CCAR2: variants seen among roughly 807,000 people sequenced by gnomAD.
CCAR2 encodes the protein cell cycle and apoptosis regulator protein 2.
A neutral mutation model predicts 108.1 loss-of-function variants in CCAR2; 21 were observed. That is an observed-to-expected ratio of 0.19 (90% CI 0.14 to 0.28). The LOEUF (loss-of-function observed/expected upper bound fraction) is 0.28. Among genes scored for constraint, CCAR2 ranks in the 10% least tolerant of loss-of-function variants. The probability of loss-of-function intolerance (pLI) is 1.00; values close to 1 mark genes in which losing one functional copy is unlikely to be tolerated. For missense variants in CCAR2, 1,126 were observed against 1,177.0 expected (o/e 0.96, Z 0.63); for synonymous variants, 577 against 472.8 (o/e 1.22, Z -2.86).
chr8:22,609,536 T>C (rs1164886240), intron 7 of CCAR2, among the ~76,000 whole-genome samples: 1 of 152,202 alleles, frequency 6.6e-6, no homozygotes, highest in Non-Finnish European at 1.5e-5. Flanking sequence ...CCATTCTCCA[T>C]TGTAGACACC....
At chr8:22,611,445 TAC>T (rs201761773) in intron 7 of CCAR2, among the ~76,000 whole-genome samples, 66 of 146,582 alleles carry the variant, frequency 4.5e-4, no homozygotes, top group African/African-American at 1.4e-3. Flanking sequence ...TGTGTGTGTA[TAC>T]ATATGTGTGT....
intron 11 of CCAR2, 164 bp downstream of exon 11, chr8:22,615,165 C>G (rs939679084): frequency 9.8e-7 from 1 of 1,021,104 alleles, no homozygotes; most frequent in East Asian, 2.6e-5. Flanking sequence ...ATGCCAAAAT[C>G]TGGCTGAGCC....
rs1363104047 is a variant in CCAR2, at chr8:22,606,646, A to G, written c.190A>G (p.Ser64Gly). ...GCGGGTCTTCACTGGTATTGTTACCAGCTTGCATGACTACTTTGGGGTTGT... is the reference window on the plus strand; with the variant it reads ...GCGGGTCTTCACTGGTATTGTTACCGGCTTGCATGACTACTTTGGGGTTGT... ...KQRVFTGIVTSLHDYFGVVDE... is the reference protein window; with the variant it reads ...KQRVFTGIVTGLHDYFGVVDE... The change falls in exon 4 of 21, where the codon AGC (serine) becomes GGC (glycine). Residue 64 changes from serine (S) to glycine (G), a missense_variant. Coordinates refer to ENST00000308511, the MANE Select transcript of CCAR2 (RefSeq NM_001393997.1). 6.2e-7 allele frequency: 1 copy of G among 1,614,204 alleles called. No individual in the cohort carries two copies. Among genetic ancestry groups the G allele is most frequent in the East Asian group, 2.2e-5 (1 of 44,894 alleles).
Position 22,614,523 on chromosome 8 carries a change from A to G in CCAR2, c.1041+20A>G, listed in dbSNP as rs1477062137. 3.8e-6 allele frequency: 6 copies of G among 1,595,922 alleles called. No homozygotes were observed. Among genetic ancestry groups the G allele is most frequent in the Non-Finnish European group, 5.2e-6 (6 of 1,164,224 alleles). Reference sequence around the variant, plus strand: ...ATTAAGGTAAGAGCTGGAGAGCAGGAGGAGATGCATTCACGGGTAATGTGC... The same window carrying G: ...ATTAAGGTAAGAGCTGGAGAGCAGGGGGAGATGCATTCACGGGTAATGTGC... On this transcript the variant is annotated intron_variant, in intron 10 of 20. Coordinates refer to ENST00000308511, the MANE Select transcript of CCAR2 (RefSeq NM_001393997.1).
Position 22,620,411 on chromosome 8 carries a change from G to GTT in CCAR2, c.*730_*731dup. 1 of 139,986 alleles carries GTT rather than the reference G, an allele frequency of 7.1e-6. No homozygotes were observed. Among genetic ancestry groups the GTT allele is most frequent in the South Asian group, 2.3e-4 (1 of 4,364 alleles). 8.7% of individuals were successfully genotyped at this position (139,986 alleles called of 1,614,324 possible). A position where few individuals can be genotyped will look rare whatever the true frequency, so the allele number is the denominator to read the frequency against. ...GTTTCAGTTTGACTTTGTATATAAA[G>GTT]TTGGGGTTTTTTTTTTTTTTTTTTG... On this transcript the variant is annotated 3_prime_UTR_variant, in exon 21 of 21. Transcript: ENST00000308511.
intron 16 of CCAR2, chr8:22,618,054 G>A: frequency 3.4e-6 from 2 of 590,764 alleles, no homozygotes; most frequent in Middle Eastern, 4.5e-4. Flanking sequence ...GGCTGGCTTG[G>A]GCGTGATGAA....
rs958461732 is a variant in CCAR2 at position 22,619,917 on chromosome 8, C to A, written c.*235C>A. The stretch of plus-strand genomic sequence containing the variant: ...ACAACTAAATACAACATCTTTTGCA[C>A]CCCTAGAATGTCATTTTGCCCTCAA... On this transcript the variant is annotated 3_prime_UTR_variant, in exon 21 of 21. Coordinates refer to ENST00000308511, the MANE Select transcript of CCAR2 (RefSeq NM_001393997.1). 6 of 566,128 alleles carry A rather than the reference C, an allele frequency of 1.1e-5. No individual in the cohort carries two copies. In the African/African-American group the frequency reaches 1.1e-4, roughly 11 times the overall value. 35.1% of individuals were successfully genotyped at this position (566,128 alleles called of 1,614,324 possible).
intron 7 of CCAR2, among the ~76,000 whole-genome samples, chr8:22,611,945 CTT>C (rs569460220): frequency 3.5e-4 from 31 of 88,266 alleles, no homozygotes; most frequent in Admixed American, 4.8e-4. Context: ...AACTGTCTCT[CTT>C]TTTTTTTTTT....
chr8:22,616,880 TTTTTTTTTTTTTTTTTGG>T (rs1563924007), intron 14 of CCAR2, among the ~76,000 whole-genome samples: 2 of 60,880 alleles, frequency 3.3e-5, no homozygotes, highest in African/African-American at 1.0e-4. Context: ...TTTTTTTTTT[TTTTTTTTTTTTTTTTTGG>T]GGAGATGGAG....
intron 8 of CCAR2, among the ~76,000 whole-genome samples, chr8:22,613,355 CTTTTTTTTTT>C (rs5890057): frequency 0.35 from 43,889 of 125,986 alleles, 6,793 homozygotes; most frequent in South Asian, 0.42. Flanking sequence ...AGATCTAGTT[CTTTTTTTTTT>C]TTTTTTTTTT....
At chr8:22,605,676 T>G in intron 1 of CCAR2, 60 bp from the exon 2 acceptor site, 2 of 1,005,420 alleles carry the variant, frequency 2.0e-6, no homozygotes, top group Non-Finnish European at 3.1e-6. Context: ...TCTCCACTTT[T>G]CCGGGTATAG....
rs78169940 is a variant in CCAR2 at position 22,614,263 on chromosome 8, C to T, written c.876C>T (p.Asp292=). 2.3e-4 allele frequency: 368 copies of T among 1,614,082 alleles called. No homozygotes were observed. In the African/African-American group the frequency reaches 3.9e-3, roughly 17 times the overall value. ...CTTCTGAAAAGGAGGCAGCTCCAGA[C>T]GCTGGTGCTGAGCCCATCACTGCAG... The part of the protein sequence containing the change: ...QVSSEKEAAP[D]AGAEPITADS... The change falls in exon 9 of 21, where the codon GAC becomes GAT. Residue 292 remains aspartate, a synonymous_variant. Transcript: ENST00000308511.
chr8:22,615,143 A>G lies in CCAR2; in HGVS notation c.1205+142A>G, dbSNP rs1801449592. On this transcript the variant is annotated intron_variant, in intron 11 of 20. Transcript: ENST00000308511. Reference sequence around the variant, plus strand: ...CCTTCCCCCTCTGGTGCCTCAGGGTAGGGTGGGGTGTATGCCAAAATCTGG... The same window carrying G: ...CCTTCCCCCTCTGGTGCCTCAGGGTGGGGTGGGGTGTATGCCAAAATCTGG... 1.8e-5 allele frequency: 22 copies of G among 1,207,422 alleles called. No homozygotes were observed. The South Asian group carries it at 3.2e-4, about 18-fold the overall frequency. 74.8% of individuals were successfully genotyped at this position (1,207,422 alleles called of 1,614,324 possible).
chr8:22,611,022 T>C (rs1801252665), intron 7 of CCAR2, among the ~76,000 whole-genome samples: 1 of 151,982 alleles, frequency 6.6e-6, no homozygotes, highest in Non-Finnish European at 1.5e-5. Flanking sequence ...CAGTACATGC[T>C]ATTATATAAA....
chr8:22,615,345 A>T, intron 11 of CCAR2, 80 bp from the exon 12 acceptor site: 1 of 1,517,276 alleles, frequency 6.6e-7, no homozygotes. Context: ...CTGACTGGAA[A>T]CTGAAGCCCT....
intron 6 of CCAR2, 53 bp downstream of exon 6, chr8:22,607,378 C>G: frequency 1.9e-6 from 3 of 1,584,564 alleles, no homozygotes; most frequent in Non-Finnish European, 1.7e-6. Flanking sequence ...TAGTTTAGAT[C>G]AATGGACTTT....
In CCAR2 at chr8:22,608,206, T is replaced by G. The variant is rs571409803; in HGVS notation, c.584+141T>G. ...GGCTATGCTTACCACTAACATTCTTTGCCTGCAGCTAGATCCTAGTCCCTT... is the reference window on the plus strand; with the variant it reads ...GGCTATGCTTACCACTAACATTCTTGGCCTGCAGCTAGATCCTAGTCCCTT... On this transcript the variant is annotated intron_variant, in intron 7 of 20. Transcript: ENST00000308511. 127 of 621,718 alleles carry G rather than the reference T, an allele frequency of 2.0e-4. 1 individual carries two copies. The South Asian group carries it at 2.3e-3, about 11-fold the overall frequency. The allele number at this position is 621,718 out of a possible 1,614,324, so 38.5% of individuals were successfully genotyped here. A position where few individuals can be genotyped will look rare whatever the true frequency, so the allele number is the denominator to read the frequency against.
At chr8:22,618,529 C>A in intron 17 of CCAR2, 34 bp downstream of exon 17, 2 of 1,614,066 alleles carry the variant, frequency 1.2e-6, no homozygotes, top group Non-Finnish European at 8.5e-7. Context: ...CACATGGGCA[C>A]AGGCCTGCAC....
intron 6 of CCAR2, among the ~76,000 whole-genome samples, chr8:22,607,647 G>C (rs34269854): frequency 0.33 from 49,581 of 150,108 alleles, 8,416 homozygotes; most frequent in South Asian, 0.37. Flanking sequence ...TTTTTTGAGA[G>C]AAAGTCTTGC....
Sources: allele counts gnomAD v4.1 joint callset (sites outside exome capture counted in the v4.1 genomes callset), GRCh38; gene constraint gnomAD v4.1.1; transcripts MANE v1.5; gene names NCBI Gene and HGNC (gene_info 2026-07-23, HGNC 2026-07-21).